Variants in MYBPC1 observed in about 807,000 individuals in gnomAD.
MYBPC1 encodes the protein myosin binding protein C1.
In MYBPC1, 52 loss-of-function variants were observed where a neutral mutation model predicts 147.1. The observed-to-expected ratio is 0.35, with a 90% CI of 0.28 to 0.45. The LOEUF (loss-of-function observed/expected upper bound fraction) is 0.45, where lower values mean the gene tolerates loss of function less well. Among genes scored for constraint, MYBPC1 ranks in the 20% least tolerant of loss-of-function variants. The pLI is 1.00. For missense variants in MYBPC1, 1,228 were observed against 1,440.3 expected (o/e 0.85, Z 2.39); for synonymous variants, 477 against 475.9 (o/e 1.00, Z -0.03).
chr12:101,599,586 AC>A (rs1878973427), intron 1 of MYBPC1, among the ~76,000 whole-genome samples: 1 of 152,144 alleles, frequency 6.6e-6, no homozygotes, highest in Non-Finnish European at 1.5e-5. Context: ...TATTTCAAAC[AC>A]CGAAATCAAT....
In MYBPC1 at chr12:101,662,433, C is replaced by G; in HGVS notation, c.2108C>G (p.Thr703Ser). The G allele has an allele frequency of 6.2e-7, 1 of 1,614,224 alleles. No homozygotes were observed. Among genetic ancestry groups the G allele is most frequent in the Non-Finnish European group, 8.5e-7 (1 of 1,180,030 alleles). The change falls in exon 21 of 32, where the codon ACT becomes AGT. Residue 703 changes from threonine to serine, a missense_variant. Physicochemically the swap from Thr to Ser is moderately conservative, Grantham distance 58. Coordinates refer to ENST00000361466, the MANE Select transcript of MYBPC1 (RefSeq NM_002465.4). ...AATTTTGATCTCTGCAAAGAAACAA[C>G]TTTTGAGCCCAAGAAGATGATTGAA... ...RLNFDLCKETTFEPKKMIEGV... is the reference protein window; with the variant it reads ...RLNFDLCKETSFEPKKMIEGV...
chr12:101,662,531 C>T lies in MYBPC1; in HGVS notation c.2206C>T (p.Pro736Ser). 1 of 1,614,112 alleles carries T rather than the reference C, an allele frequency of 6.2e-7. No individual in the cohort carries two copies. The highest frequency in any genetic ancestry group is 1.3e-5 in the African/African-American group (1 of 75,044). ...CTCCAAGCCCAGTATGCCCTCCAGGCCTTTTGTTCCTTTGGGTAAGTCAAG... is the reference window on the plus strand; with the variant it reads ...CTCCAAGCCCAGTATGCCCTCCAGGTCTTTTGTTCCTTTGGGTAAGTCAAG... ...GISKPSMPSRPFVPLAVTSPP... is the reference protein window; with the variant it reads ...GISKPSMPSRSFVPLAVTSPP... The change falls in exon 21 of 32, where the codon CCT becomes TCT. Residue 736 changes from proline to serine, a missense_variant. Coordinates refer to ENST00000361466, the MANE Select transcript of MYBPC1 (RefSeq NM_002465.4).
At chr12:101,660,228 T>C (rs1287864192) in intron 19 of MYBPC1, 1 of 286,076 alleles carries the variant, frequency 3.5e-6, no homozygotes, top group East Asian at 8.3e-5. Context: ...GATGCTCTCC[T>C]CTTCTTACTT....
At position 101,644,677 on chromosome 12, in the gene MYBPC1, T is replaced by A. The variant is rs756338877; in HGVS notation, c.846T>A (p.Ile282=). 1.2e-6 allele frequency: 2 copies of A among 1,613,860 alleles called. No individual in the cohort carries two copies. The highest frequency in any genetic ancestry group is 8.5e-7 in the Non-Finnish European group (1 of 1,179,780). The stretch of plus-strand genomic sequence containing the variant: ...CTATTCTATCAGCTTTTGCAAAAAT[T>A]CTTGATCCTGCATATCAGGTTGACA... The part of the protein sequence containing the change: ...EEKKSAAFAK[I]LDPAYQVDKG... Residue 282 remains isoleucine (I), a synonymous_variant, in exon 12 of 32, where the codon ATT becomes ATA. Coordinates refer to ENST00000361466, the MANE Select transcript of MYBPC1 (RefSeq NM_002465.4).
At chr12:101,631,035 C>G (rs1346038330) in intron 6 of MYBPC1, among the ~76,000 whole-genome samples, 1 of 152,142 alleles carries the variant, frequency 6.6e-6, no homozygotes, top group African/African-American at 2.4e-5. Flanking sequence ...TACAATGTCA[C>G]GTCCTCAGGG....
chr12:101,667,020 G>T (rs1897620669), intron 22 of MYBPC1, among the ~76,000 whole-genome samples: 1 of 151,762 alleles, frequency 6.6e-6, no homozygotes, highest in Non-Finnish European at 1.5e-5. Context: ...TGGGCAAAAT[G>T]CATACTAACT....
intron 28 of MYBPC1, among the ~76,000 whole-genome samples, chr12:101,679,912 G>T (rs924912855): frequency 6.6e-6 from 1 of 152,158 alleles, no homozygotes; most frequent in Admixed American, 6.5e-5. Flanking sequence ...GCAAATAAAG[G>T]TCATATACAT....
chr12:101,621,279 A>G (rs747986638), intron 3 of MYBPC1, among the ~76,000 whole-genome samples: 36 of 152,304 alleles, frequency 2.4e-4, no homozygotes, highest in South Asian at 2.1e-4. Context: ...ACACTTTTCA[A>G]TTCAAAGACA....
chr12:101,693,606 T>C, the MYBPC1 span, among the ~76,000 whole-genome samples: 1 of 152,170 alleles, frequency 6.6e-6, no homozygotes, highest in East Asian at 1.9e-4. Context: ...CTGGGTGTGG[T>C]GGCACATGCC....
intron 24 of MYBPC1, 130 bp downstream of exon 24, chr12:101,670,539 A>C: frequency 1.2e-6 from 1 of 813,148 alleles, no homozygotes; most frequent in Non-Finnish European, 2.1e-6. Flanking sequence ...GTAAATAAAG[A>C]ATGAAAGAGT....
chr12:101,657,440 C>T (rs533035048), intron 18 of MYBPC1, among the ~76,000 whole-genome samples: 2 of 152,188 alleles, frequency 1.3e-5, no homozygotes, highest in African/African-American at 2.4e-5. Context: ...ATCAATAAAA[C>T]GTATAACCCT....
chr12:101,678,361 G>A (rs1900510617), intron 28 of MYBPC1, 123 bp downstream of exon 28: 10 of 1,324,832 alleles, frequency 7.5e-6, no homozygotes, highest in South Asian at 4.9e-5. Flanking sequence ...GGGATTAGAA[G>A]GTGGTAGTGG....
At chr12:101,687,592 A>G (rs1951370201), downstream of MYBPC1, among the ~76,000 whole-genome samples, 1 of 152,216 alleles carries the variant, frequency 6.6e-6, no homozygotes, top group South Asian at 2.1e-4. Flanking sequence ...TTTAACATAA[A>G]GGAAGTCTGG....
At chr12:101,680,625 C>T in intron 29 of MYBPC1, 96 bp downstream of exon 29, 1 of 1,474,864 alleles carries the variant, frequency 6.8e-7, no homozygotes, top group Non-Finnish European at 9.4e-7. Flanking sequence ...AATTGCTTGC[C>T]AAAATGCTGC....
rs142784395 is a variant in MYBPC1 at position 101,659,318 on chromosome 12, T to C, written c.1768-354T>C. Among the ~76,000 whole-genome samples the C allele has an allele frequency of 2.1e-3, 326 of 152,266 alleles. 1 individual carries two copies. Among genetic ancestry groups the C allele is most frequent in the African/African-American group, 7.7e-3 (318 of 41,540 alleles). ...TCCTAGAATGACATGTCTGCACTTGTATTTTTAGTCCTCCAATTTTCTCTT... is the reference window on the plus strand; with the variant it reads ...TCCTAGAATGACATGTCTGCACTTGCATTTTTAGTCCTCCAATTTTCTCTT... On this transcript the variant is annotated intron_variant, in intron 18 of 31. Coordinates refer to ENST00000361466, the MANE Select transcript of MYBPC1 (RefSeq NM_002465.4).
At chr12:101,653,447 T>C (rs558591080) in intron 18 of MYBPC1, among the ~76,000 whole-genome samples, 199 bp downstream of exon 18, 1 of 152,312 alleles carries the variant, frequency 6.6e-6, no homozygotes, top group Admixed American at 6.5e-5. Context: ...TTACTTCTCA[T>C]ATTTCTGACT....
In MYBPC1 at chr12:101,629,507, G is replaced by A. The variant is rs1043057236; in HGVS notation, c.252G>A (p.Leu84=). The A allele has an allele frequency of 6.2e-7, 1 of 1,613,806 alleles. No individual in the cohort carries two copies. The highest frequency in any genetic ancestry group is 8.5e-7 in the Non-Finnish European group (1 of 1,179,916). Residue 84 remains leucine, a synonymous_variant, in exon 6 of 32, where the codon TTG becomes TTA. Transcript: ENST00000361466. ...ATGCCAACTCCCAGCTGTCCATCTT[G>A]TTCATTGAAAAACCTCAAGGAGGAA... The part of the protein sequence containing the change: ...KQNANSQLSI[L]FIEKPQGGTV...
intron 24 of MYBPC1, among the ~76,000 whole-genome samples, chr12:101,673,130 A>C (rs977796880): frequency 3.3e-5 from 5 of 152,196 alleles, no homozygotes; most frequent in Non-Finnish European, 7.3e-5. Context: ...TCCAGTGCTT[A>C]CCTAACTGCA....
At chr12:101,681,282 C>A (rs1950921650) in intron 29 of MYBPC1, among the ~76,000 whole-genome samples, 1 of 151,754 alleles carries the variant, frequency 6.6e-6, no homozygotes, top group Non-Finnish European at 1.5e-5. Context: ...ACCATGAAAA[C>A]CCCTTCAAAG....
Sources: allele counts gnomAD v4.1 joint callset (sites outside exome capture counted in the v4.1 genomes callset), GRCh38; gene constraint gnomAD v4.1.1; transcripts MANE v1.5; gene names NCBI Gene and HGNC (gene_info 2026-07-23, HGNC 2026-07-21).